AP3D1: variants seen among roughly 807,000 people sequenced by gnomAD.
AP3D1 encodes AP-3 complex subunit delta-1.
Under a neutral mutation model 147.6 loss-of-function variants are expected in AP3D1, and 51 were observed. The ratio of observed to expected loss-of-function variants is 0.35; its 90% CI spans 0.28 to 0.44. The LOEUF is 0.44. Among genes scored for constraint, AP3D1 ranks in the 20% least tolerant of loss-of-function variants. The pLI, the probability that AP3D1 is intolerant of heterozygous loss-of-function variation, is 1.00. For missense variants in AP3D1, 1,421 were observed against 1,624.2 expected, an observed-to-expected ratio of 0.87 and a Z score of 2.15; for synonymous variants, 760 against 663.0, an observed-to-expected ratio of 1.15 and a Z score of -2.25.
At chr19:2,120,821 C>T in intron 14 of AP3D1, 41 bp downstream of exon 14, 1 of 1,579,988 alleles carries the variant, frequency 6.3e-7, no homozygotes, top group East Asian at 2.2e-5. Context: ...CCCTCAGAAG[C>T]TTGGAGAAGC....
chr19:2,151,149 G>T, intron 1 of AP3D1, 90 bp downstream of exon 1: 1 of 1,260,804 alleles, frequency 7.9e-7, no homozygotes. Context: ...GCCCGGGCGG[G>T]CGGCAGGCCG....
At chr19:2,142,285 T>C (rs2019242992) in intron 1 of AP3D1, among the ~76,000 whole-genome samples, 2 of 151,688 alleles carry the variant, frequency 1.3e-5, no homozygotes, top group South Asian at 4.2e-4. Flanking sequence ...AGTGCTGGGA[T>C]TTACAGGTGT....
chr19:2,114,232 T>C lies in AP3D1; in HGVS notation c.2494A>G (p.Lys832Glu), dbSNP rs2018372900. The change falls in exon 22 of 32, where the codon AAG (lysine) becomes GAG (glutamate). Residue 832 changes from lysine (K) to glutamate (E), a missense_variant. Lys to Glu is a moderately conservative substitution (Grantham distance 56, BLOSUM62 1). This residue lies in a region of AP3D1 where 791 missense variants were observed against 761.4 expected (regional missense o/e 1.04). Transcript: ENST00000643116. Reference sequence around the variant, plus strand: ...TTCTTTTCTACCATGGGAACGTCCTTCTCAGGGGATTTTGAGGTCTCGGTG... The same window carrying C: ...TTCTTTTCTACCATGGGAACGTCCTCCTCAGGGGATTTTGAGGTCTCGGTG... ...RNTETSKSPEKDVPMVEKKSK... is the reference protein window; with the variant it reads ...RNTETSKSPEEDVPMVEKKSK... 1 of 1,613,772 alleles carries C rather than the reference T, an allele frequency of 6.2e-7. No individual in the cohort carries two copies. The highest frequency in any genetic ancestry group is 1.7e-5 in the Admixed American group (1 of 59,940).
At chr19:2,114,693 A>C in intron 21 of AP3D1, 55 bp downstream of exon 21, 3 of 1,209,010 alleles carry the variant, frequency 2.5e-6, no homozygotes, top group East Asian at 3.8e-5. Context: ...GGACGAGAGG[A>C]AGGGAAGCAA....
At chr19:2,113,029 CCA>C in intron 23 of AP3D1, 62 bp from the exon 24 acceptor site, 1 of 1,241,520 alleles carries the variant, frequency 8.1e-7, no homozygotes. Flanking sequence ...CCACTGCACC[CCA>C]GACAGCCTCC....
At chr19:2,111,415 TCGA>T in intron 25 of AP3D1, 83 bp from the exon 26 acceptor site, 1 of 1,533,470 alleles carries the variant, frequency 6.5e-7, no homozygotes, top group South Asian at 1.1e-5. Flanking sequence ...ATACCCCAGG[TCGA>T]ATGCCACGAC....
chr19:2,153,946 A>G (rs2019624684), upstream of AP3D1, among the ~76,000 whole-genome samples: 1 of 74,408 alleles, frequency 1.3e-5, no homozygotes, highest in Non-Finnish European at 4.0e-5. Context: ...CCCAGCCTGA[A>G]TTTTTTTTTT....
chr19:2,110,068 T>C, intron 28 of AP3D1, 68 bp downstream of exon 28: 1 of 1,589,276 alleles, frequency 6.3e-7, no homozygotes, highest in Non-Finnish European at 8.6e-7. Flanking sequence ...GGACACCCAC[T>C]GCGATGGGGC....
At chr19:2,114,374 G>T in intron 21 of AP3D1, 72 bp from the exon 22 acceptor site, 4 of 1,309,878 alleles carry the variant, frequency 3.1e-6, no homozygotes, top group Non-Finnish European at 3.2e-6. Flanking sequence ...TACATGCCGT[G>T]TCCAAGCATG....
chr19:2,156,408 C>T (rs1365029748), upstream of AP3D1, among the ~76,000 whole-genome samples: 6 of 152,192 alleles, frequency 3.9e-5, no homozygotes, highest in African/African-American at 1.4e-4. Context: ...TCCATCCATC[C>T]ACCAATCCAC....
Position 2,132,533 on chromosome 19 carries a change from C to T in AP3D1, c.400G>A (p.Gly134Ser), listed in dbSNP as rs1447066782. 1.2e-6 allele frequency: 2 copies of T among 1,611,610 alleles called. No individual in the cohort carries two copies. The highest frequency in any genetic ancestry group is 8.5e-7 in the Non-Finnish European group (1 of 1,178,032). Residue 134 changes from glycine to serine, a missense_variant, in exon 5 of 32, where the codon GGT (glycine) becomes AGT (serine). Transcript: ENST00000643116. Reference protein sequence around the residue: ...SQYDTGVALTGLSCFVTPDLA... With the variant: ...SQYDTGVALTSLSCFVTPDLA... ...TCTGGGGTGACGAAGCAGGACAGACCCGTCAGTGCAACACCTGTGTCGTAC... is the reference window on the plus strand; with the variant it reads ...TCTGGGGTGACGAAGCAGGACAGACTCGTCAGTGCAACACCTGTGTCGTAC...
chr19:2,113,246 G>A (rs889626981), intron 23 of AP3D1, 90 bp downstream of exon 23: 8 of 727,214 alleles, frequency 1.1e-5, no homozygotes, highest in Admixed American at 8.5e-5. Flanking sequence ...GAGAGCACAG[G>A]GCCTCAGGAG....
intron 26 of AP3D1, 71 bp from the exon 27 acceptor site, chr19:2,110,967 T>G (rs1599443564): frequency 1.3e-6 from 2 of 1,516,240 alleles, no homozygotes; most frequent in East Asian, 4.6e-5. Flanking sequence ...CACCTGTCTC[T>G]TAATGACCAC....
At chr19:2,139,405 G>A (rs1334012501) in intron 1 of AP3D1, among the ~76,000 whole-genome samples, 1 of 152,168 alleles carries the variant, frequency 6.6e-6, no homozygotes, top group Non-Finnish European at 1.5e-5. Context: ...TGTCTGGTGT[G>A]TCTGGATCCC....
chr19:2,164,526 C>T (rs2019834375), upstream of AP3D1: 1 of 288,414 alleles, frequency 3.5e-6, no homozygotes, highest in Non-Finnish European at 6.4e-6. Context: ...TTGCCCCCGC[C>T]GGGCTGTCCC....
chr19:2,148,000 T>C (rs2019405580), intron 1 of AP3D1, among the ~76,000 whole-genome samples: 1 of 151,286 alleles, frequency 6.6e-6, no homozygotes, highest in Non-Finnish European at 1.5e-5. Context: ...TGAAAGCCCA[T>C]CTCTACTAAA....
At chr19:2,135,088 C>T (rs1271973580) in intron 4 of AP3D1, among the ~76,000 whole-genome samples, 1 of 151,784 alleles carries the variant, frequency 6.6e-6, no homozygotes, top group Non-Finnish European at 1.5e-5. Flanking sequence ...GTACTCCCAG[C>T]TACTTGGGAG....
chr19:2,146,137 G>A (rs939777751), intron 1 of AP3D1, among the ~76,000 whole-genome samples: 9 of 152,172 alleles, frequency 5.9e-5, no homozygotes, highest in Admixed American at 5.9e-4. Flanking sequence ...AAACAACAGA[G>A]CACAGCCACC....
chr19:2,117,016 G>C (rs577031408), intron 16 of AP3D1: 1 of 816,280 alleles, frequency 1.2e-6, no homozygotes, highest in Non-Finnish European at 1.8e-6. Context: ...GGCCCACTTC[G>C]CAGGGAGCAT....
Sources: allele counts gnomAD v4.1 joint callset (sites outside exome capture counted in the v4.1 genomes callset), GRCh38; gene constraint gnomAD v4.1.1; regional missense constraint gnomAD v4.1.1; transcripts MANE v1.5; gene names NCBI Gene and HGNC (gene_info 2026-07-23, HGNC 2026-07-21).